IFNAR2: variants seen among roughly 807,000 people sequenced by gnomAD.
IFNAR2 encodes interferon alpha and beta receptor subunit 2, also known as interferon alpha/beta receptor 2.
In IFNAR2, 30 loss-of-function variants were observed where a neutral mutation model predicts 49.4. That is an observed-to-expected ratio of 0.61 (90% CI 0.45 to 0.82). IFNAR2 has a LOEUF of 0.82. Among genes scored for constraint, IFNAR2 ranks in the 40% least tolerant of loss-of-function variants. IFNAR2 has a pLI of 0.00. For synonymous variants in IFNAR2, 224 were observed against 234.5 expected, an observed-to-expected ratio of 0.96 and a Z score of 0.41; for missense variants, 600 against 622.7, an observed-to-expected ratio of 0.96 and a Z score of 0.39.
At chr21:33,252,517 T>A in intron 6 of IFNAR2, 145 bp from the exon 7 acceptor site, 1 of 1,440,478 alleles carries the variant, frequency 6.9e-7, no homozygotes. Context: ...AATTACTTGC[T>A]CCAGATGACT....
intron 1 of IFNAR2, among the ~76,000 whole-genome samples, chr21:33,238,598 A>C (rs1986661896): frequency 6.6e-6 from 1 of 152,274 alleles, no homozygotes; most frequent in African/African-American, 2.4e-5. Flanking sequence ...TATGACTCAA[A>C]ATTTAGAAGC....
chr21:33,244,333 T>G (rs1053190272), intron 3 of IFNAR2, among the ~76,000 whole-genome samples: 1 of 152,184 alleles, frequency 6.6e-6, no homozygotes, highest in African/African-American at 2.4e-5. Context: ...CTACATGACA[T>G]TGTATAATTC....
At chr21:33,238,601 T>G (rs1041256119) in intron 1 of IFNAR2, among the ~76,000 whole-genome samples, 2 of 152,088 alleles carry the variant, frequency 1.3e-5, no homozygotes, top group Admixed American at 6.5e-5. Flanking sequence ...GACTCAAAAT[T>G]TAGAAGCTAA....
At chr21:33,232,294 A>G (rs182027387) in intron 1 of IFNAR2, among the ~76,000 whole-genome samples, 24 of 152,298 alleles carry the variant, frequency 1.6e-4, no homozygotes, top group African/African-American at 5.8e-4. Flanking sequence ...ACTGGGGGCT[A>G]TGCAATTCAG....
At chr21:33,253,852 G>A (rs1298050747) in intron 7 of IFNAR2, among the ~76,000 whole-genome samples, 1 of 152,096 alleles carries the variant, frequency 6.6e-6, no homozygotes, top group East Asian at 1.9e-4. Context: ...GGTTTTGGTG[G>A]GTTTTGGCCG....
chr21:33,238,227 A>G (rs1238403684), intron 1 of IFNAR2, among the ~76,000 whole-genome samples: 1 of 152,192 alleles, frequency 6.6e-6, no homozygotes, highest in African/African-American at 2.4e-5. Flanking sequence ...GTCTCCTGGC[A>G]GTCAACTCGT....
chr21:33,234,592 T>C (rs1196369897), intron 1 of IFNAR2, among the ~76,000 whole-genome samples: 1 of 152,220 alleles, frequency 6.6e-6, no homozygotes, highest in African/African-American at 2.4e-5. Flanking sequence ...GTTGTTTGTC[T>C]GTCTAGGAGG....
rs1481874505 is a variant in IFNAR2 at position 33,263,615 on chromosome 21, AC to A, written c.*116del. ...TGTTCTCCAAGGGAAGGAGGAGGAA[AC>A]TGTGGTGTTCCTTTCTTCCAGGTGA... On this transcript the variant is annotated 3_prime_UTR_variant, in exon 9 of 9. Transcript: ENST00000342136. The A allele has an allele frequency of 1.0e-6, 1 of 975,814 alleles. No individual in the cohort carries two copies. The highest frequency in any genetic ancestry group is 1.5e-6 in the Non-Finnish European group (1 of 675,616). The allele number at this position is 975,814 out of a possible 1,614,324, so 60.4% of individuals were successfully genotyped here.
chr21:33,243,724 G>GT lies in IFNAR2; in HGVS notation c.97+16dup. 3 of 1,607,666 alleles carry GT rather than the reference G, an allele frequency of 1.9e-6. No homozygotes were observed. Among genetic ancestry groups the GT allele is most frequent in the Non-Finnish European group, 2.6e-6 (3 of 1,174,214 alleles). On this transcript the variant is annotated intron_variant, in intron 3 of 8. Transcript: ENST00000342136. ...TCATATGATTCGCCTGGTAAGAGAT[G>GT]TTTTTTGGCTTCACTAAATTTTGTA...
chr21:33,245,016 G>A lies in IFNAR2; in HGVS notation c.163G>A (p.Glu55Lys). The A allele has an allele frequency of 6.2e-7, 1 of 1,602,976 alleles. No individual in the cohort carries two copies. The highest frequency in any genetic ancestry group is 8.5e-7 in the Non-Finnish European group (1 of 1,172,416). Residue 55 changes from glutamate to lysine, a missense_variant, in exon 4 of 9, where the codon GAA becomes AAA. By Grantham distance (56) the Glu-to-Lys change is moderately conservative. Coordinates refer to ENST00000342136, the MANE Select transcript of IFNAR2 (RefSeq NM_001289125.3). ...LRNFRSILSWELKNHSIVPTH... is the reference protein window; with the variant it reads ...LRNFRSILSWKLKNHSIVPTH... ...AAATTTCCGGTCCATCTTATCATGG[G>A]AATTAAAAAACCACTCCATTGTACC...
At chr21:33,252,595 A>G in intron 6 of IFNAR2, 67 bp from the exon 7 acceptor site, 21 of 1,543,368 alleles carry the variant, frequency 1.4e-5, no homozygotes, top group South Asian at 3.9e-5. Context: ...GACAAATCCC[A>G]AAAGAGATTA....
At chr21:33,244,872 TC>T (rs1357651764) in intron 3 of IFNAR2, 78 bp from the exon 4 acceptor site, 1 of 1,450,254 alleles carries the variant, frequency 6.9e-7, no homozygotes, top group East Asian at 2.3e-5. Flanking sequence ...GGGTTCTAGA[TC>T]CCAAGAAATG....
intron 1 of IFNAR2, among the ~76,000 whole-genome samples, chr21:33,236,393 C>A (rs1188274956): frequency 6.6e-6 from 1 of 152,222 alleles, no homozygotes; most frequent in Non-Finnish European, 1.5e-5. Context: ...CACCTACCAT[C>A]CTAACCCACA....
At chr21:33,246,331 A>G (rs1987404321) in intron 4 of IFNAR2, among the ~76,000 whole-genome samples, 1 of 152,090 alleles carries the variant, frequency 6.6e-6, no homozygotes. Flanking sequence ...TGGCCTCCCA[A>G]AGTGCTGGGA....
Position 33,263,594 on chromosome 21 carries a change from C to T in IFNAR2, c.*94C>T. On this transcript the variant is annotated 3_prime_UTR_variant, in exon 9 of 9. Coordinates refer to ENST00000342136, the MANE Select transcript of IFNAR2 (RefSeq NM_001289125.3). ...TGCTGCCTTATCGTCTGCAAGTGTTCTCCAAGGGAAGGAGGAGGAAACTGT... is the reference window on the plus strand; with the variant it reads ...TGCTGCCTTATCGTCTGCAAGTGTTTTCCAAGGGAAGGAGGAGGAAACTGT... 1.6e-6 allele frequency: 2 copies of T among 1,224,540 alleles called. No homozygotes were observed. The highest frequency in any genetic ancestry group is 1.5e-5 in the South Asian group (1 of 66,192). The allele number at this position is 1,224,540 out of a possible 1,614,324, so 75.9% of individuals were successfully genotyped here. A position where few individuals can be genotyped will look rare whatever the true frequency, so the allele number is the denominator to read the frequency against.
At chr21:33,233,031 A>G (rs889789810) in intron 1 of IFNAR2, 3 of 584,362 alleles carry the variant, frequency 5.1e-6, no homozygotes, top group Non-Finnish European at 6.5e-6. Context: ...ATTGCCTTAC[A>G]CTGTGCAACA....
At chr21:33,237,457 C>T (rs1302294527) in intron 1 of IFNAR2, among the ~76,000 whole-genome samples, 3 of 152,032 alleles carry the variant, frequency 2.0e-5, no homozygotes, top group Non-Finnish European at 4.4e-5. Flanking sequence ...ATCGCTTGAG[C>T]CCAGGAGGCA....
chr21:33,263,706 A>C lies in IFNAR2; in HGVS notation c.*206A>C, dbSNP rs1363807878. The C allele has an allele frequency of 6.9e-6, 4 of 575,884 alleles. No homozygotes were observed. The highest frequency in any genetic ancestry group is 5.6e-5 in the African/African-American group (3 of 53,456). 35.7% of individuals were successfully genotyped at this position (575,884 alleles called of 1,614,324 possible). On this transcript the variant is annotated 3_prime_UTR_variant, in exon 9 of 9. Coordinates refer to ENST00000342136, the MANE Select transcript of IFNAR2 (RefSeq NM_001289125.3). ...CATTCAGTGCATTGTTTACATATTC[A>C]AAGTGGTGCACTTTGAAGGAAGCAC... is the stretch of plus-strand genomic sequence containing the variant.
intron 7 of IFNAR2, 32 bp downstream of exon 7, chr21:33,252,862 G>C: frequency 6.5e-7 from 1 of 1,536,090 alleles, no homozygotes; most frequent in Non-Finnish European, 9.0e-7. Flanking sequence ...CATGTTTTGA[G>C]TATTCATGCT....
Sources: allele counts gnomAD v4.1 joint callset (sites outside exome capture counted in the v4.1 genomes callset), GRCh38; gene constraint gnomAD v4.1.1; transcripts MANE v1.5; gene names NCBI Gene and HGNC (gene_info 2026-07-23, HGNC 2026-07-21).